The following NUP133 variants were observed in gnomAD, a reference collection of about 807,000 sequenced individuals.
NUP133 encodes the protein nucleoporin 133, also known as nuclear pore complex protein Nup133.
NUP133 carries 66 observed loss-of-function variants against 146.2 expected under a neutral mutation model. That is an observed-to-expected ratio of 0.45 (90% CI 0.37 to 0.55). The LOEUF (loss-of-function observed/expected upper bound fraction) is 0.55, where lower values mean the gene tolerates loss of function less well. Among genes scored for constraint, NUP133 ranks in the 20% least tolerant of loss-of-function variants. The pLI is 0.00. For synonymous variants in NUP133, 521 were observed against 498.8 expected, an observed-to-expected ratio of 1.04 and a Z score of -0.59; for missense variants, 1,277 against 1,374.8, an observed-to-expected ratio of 0.93 and a Z score of 1.12.
In NUP133 at chr1:229,493,147, A is replaced by G. The variant is rs1045432826; in HGVS notation, c.1046+2348T>C. Among the ~76,000 whole-genome samples, 3 of 152,216 alleles carry G rather than the reference A, an allele frequency of 2.0e-5. No homozygotes were observed. In the East Asian group the frequency reaches 5.8e-4, roughly 29 times the overall value. On this transcript the variant is annotated intron_variant, in intron 8 of 25. Coordinates refer to ENST00000261396, the MANE Select transcript of NUP133 (RefSeq NM_018230.3). ...AATGAAGATATCTAAACTTTGTATTAGTAATCATCTAGTAAAATAATTTAT... is the reference window on the plus strand; with the variant it reads ...AATGAAGATATCTAAACTTTGTATTGGTAATCATCTAGTAAAATAATTTAT...
chr1:229,466,055 A>G (rs1304488109), intron 16 of NUP133, among the ~76,000 whole-genome samples: 4 of 152,222 alleles, frequency 2.6e-5, no homozygotes, highest in Non-Finnish European at 5.9e-5. Context: ...GCAAAGTAGG[A>G]AAATCATTAC....
At chr1:229,443,479 G>A (rs1467508178) in intron 25 of NUP133, among the ~76,000 whole-genome samples, 2 of 152,094 alleles carry the variant, frequency 1.3e-5, no homozygotes, top group Non-Finnish European at 2.9e-5. Flanking sequence ...AACAAACCTT[G>A]TGGGTAATTT....
chr1:229,457,356 C>T (rs1302504643), intron 21 of NUP133, among the ~76,000 whole-genome samples: 1 of 152,100 alleles, frequency 6.6e-6, no homozygotes, highest in East Asian at 1.9e-4. Context: ...ACTCCTCTCT[C>T]CTTGGTTCTA....
chr1:229,484,029 C>G (rs373844062), intron 12 of NUP133, 25 bp downstream of exon 12: 186 of 1,510,364 alleles, frequency 1.2e-4, no homozygotes, highest in Non-Finnish European at 1.7e-4. Context: ...ATAAAATAAT[C>G]CATAATTTAA....
At chr1:229,496,094 T>G (rs1485256941) in intron 6 of NUP133, 47 bp from the exon 7 acceptor site, 1 of 1,421,300 alleles carries the variant, frequency 7.0e-7, no homozygotes, top group African/African-American at 1.5e-5. Flanking sequence ...TAACTTCTAA[T>G]GCTAAGGAAC....
chr1:229,494,747 T>C (rs1382579428), intron 8 of NUP133, among the ~76,000 whole-genome samples: 1 of 152,200 alleles, frequency 6.6e-6, no homozygotes, highest in East Asian at 1.9e-4. Context: ...GACAAAGCCT[T>C]ATCCCATCCT....
chr1:229,450,044 A>ATT (rs762006088), intron 23 of NUP133, among the ~76,000 whole-genome samples: 26 of 139,348 alleles, frequency 1.9e-4, no homozygotes, highest in Non-Finnish European at 1.9e-4. Context: ...TACCCATCTA[A>ATT]TTTTTTTTTT....
rs74554502 is a variant in NUP133 at position 229,474,844 on chromosome 1, T to C, written c.1851+794A>G. Among the ~76,000 whole-genome samples the C allele has an allele frequency of 9.0e-3, 1,370 of 152,254 alleles. 19 individuals are homozygous for C. The highest frequency in any genetic ancestry group is 0.031 in the African/African-American group (1,294 of 41,542). On this transcript the variant is annotated intron_variant, in intron 14 of 25. Transcript: ENST00000261396. The stretch of plus-strand genomic sequence containing the variant: ...GAGACTGGGCCTGGTAGCTCATGCC[T>C]GTAACCTCAGCACCTTGGGAGGCTG...
chr1:229,485,302 G>A (rs989400662), intron 11 of NUP133, among the ~76,000 whole-genome samples: 1 of 152,196 alleles, frequency 6.6e-6, no homozygotes, highest in Non-Finnish European at 1.5e-5. Flanking sequence ...CAGGTCCTGA[G>A]GATTTGAGGA....
At chr1:229,503,606 A>T (rs113054876) in intron 2 of NUP133, among the ~76,000 whole-genome samples, 6 of 152,250 alleles carry the variant, frequency 3.9e-5, no homozygotes, top group Non-Finnish European at 8.8e-5. Context: ...GAAAGGTAGA[A>T]GGGTGAAGTA....
chr1:229,502,133 C>G lies in NUP133; in HGVS notation c.302-31G>C, dbSNP rs569918491. On this transcript the variant is annotated intron_variant, in intron 2 of 25. Coordinates refer to ENST00000261396, the MANE Select transcript of NUP133 (RefSeq NM_018230.3). ...GGAAAAAATGAGGTGGGTGATTAAT[C>G]TTATAGTATAAATCTTTATTACCAC... 8 of 1,506,090 alleles carry G rather than the reference C, an allele frequency of 5.3e-6. No individual in the cohort carries two copies. The Admixed American group carries it at 1.3e-4, about 25-fold the overall frequency. 93.3% of individuals were successfully genotyped at this position (1,506,090 alleles called of 1,614,324 possible).
intron 8 of NUP133, among the ~76,000 whole-genome samples, chr1:229,490,320 T>G (rs1307411743): frequency 6.6e-6 from 1 of 150,940 alleles, no homozygotes; most frequent in Middle Eastern, 3.2e-3. Context: ...TGCCTAAAAC[T>G]GAAAACAACC....
At chr1:229,466,789 A>G (rs1212068860) in intron 15 of NUP133, 33 bp from the exon 16 acceptor site, 1 of 1,611,072 alleles carries the variant, frequency 6.2e-7, no homozygotes, top group African/African-American at 1.3e-5. Flanking sequence ...ACTACTTACA[A>G]CAAAAATTAT....
chr1:229,449,757 G>A (rs1660399365), intron 23 of NUP133, among the ~76,000 whole-genome samples: 1 of 149,204 alleles, frequency 6.7e-6, no homozygotes, highest in South Asian at 2.1e-4. Flanking sequence ...CAATTGCATC[G>A]ACAGGTAATA....
chr1:229,468,067 T>G (rs536134141), intron 15 of NUP133, among the ~76,000 whole-genome samples: 1 of 152,158 alleles, frequency 6.6e-6, no homozygotes, highest in Non-Finnish European at 1.5e-5. Flanking sequence ...CGTGTCAACA[T>G]AGTCTGTTCC....
rs1660415835 is a variant in NUP133, at chr1:229,450,080, G to A, written c.3180+445C>T. On this transcript the variant is annotated intron_variant, in intron 23 of 25. Coordinates refer to ENST00000261396, the MANE Select transcript of NUP133 (RefSeq NM_018230.3). ...TTTGTATTTTTTTGTATTTTTAGTA[G>A]AGGTGGAGTTTCACCATGTTTGCCA... Among the ~76,000 whole-genome samples the A allele has an allele frequency of 2.0e-5, 3 of 146,986 alleles. No homozygotes were observed. The South Asian group carries it at 6.5e-4, about 32-fold the overall frequency.
intron 11 of NUP133, among the ~76,000 whole-genome samples, chr1:229,486,123 T>C (rs1006416046): frequency 6.6e-6 from 1 of 152,058 alleles, no homozygotes; most frequent in Admixed American, 6.6e-5. Context: ...GCTATGATTA[T>C]GCCACTGCAC....
chr1:229,486,697 C>G (rs1398248541), intron 10 of NUP133, among the ~76,000 whole-genome samples, 169 bp from the exon 11 acceptor site: 1 of 152,110 alleles, frequency 6.6e-6, no homozygotes, highest in African/African-American at 2.4e-5. Context: ...GAATCAAATG[C>G]TAAGAACCGG....
chr1:229,441,384 A>C lies in NUP133; in HGVS notation c.*520T>G, dbSNP rs772844906. ...ATCAGTTATCAAGCTCACATGAGTT[A>C]GGCCCACTCTCCTTTGGTTTTTCAT... On this transcript the variant is annotated 3_prime_UTR_variant, in exon 26 of 26. Coordinates refer to ENST00000261396, the MANE Select transcript of NUP133 (RefSeq NM_018230.3). 2 of 531,216 alleles carry C rather than the reference A, an allele frequency of 3.8e-6. No individual in the cohort carries two copies. The highest frequency in any genetic ancestry group is 3.9e-5 in the Admixed American group (2 of 51,288). The allele number at this position is 531,216 out of a possible 1,614,324, so 32.9% of individuals were successfully genotyped here. A position where few individuals can be genotyped will look rare whatever the true frequency, so the allele number is the denominator to read the frequency against.
Sources: allele counts gnomAD v4.1 joint callset (sites outside exome capture counted in the v4.1 genomes callset), GRCh38; gene constraint gnomAD v4.1.1; transcripts MANE v1.5; gene names NCBI Gene and HGNC (gene_info 2026-07-23, HGNC 2026-07-21).